PRKDC: variants seen among roughly 807,000 people sequenced by gnomAD.
The protein encoded by PRKDC is protein kinase, DNA-activated, catalytic subunit.
Under a neutral mutation model 486.9 loss-of-function variants are expected in PRKDC, and 82 were observed. The ratio of observed to expected loss-of-function variants is 0.17; its 90% CI spans 0.14 to 0.20. The LOEUF is 0.20. PRKDC is among the 10% of genes least tolerant of loss of function. The pLI is 1.00. For synonymous variants in PRKDC, 1,895 were observed against 1,837.0 expected, an observed-to-expected ratio of 1.03 and a Z score of -0.81; for missense variants, 4,504 against 5,038.2, an observed-to-expected ratio of 0.89 and a Z score of 3.21.
At chr8:47,927,656 G>A in intron 20 of PRKDC, 115 bp downstream of exon 20, 1 of 1,301,058 alleles carries the variant, frequency 7.7e-7, no homozygotes, top group Non-Finnish European at 1.0e-6. Context: ...CCTGACCCGG[G>A]CACGCCTGTG....
At chr8:47,910,970 T>G (rs1438258718) in intron 25 of PRKDC, among the ~76,000 whole-genome samples, 1 of 152,222 alleles carries the variant, frequency 6.6e-6, no homozygotes, top group Non-Finnish European at 1.5e-5. Context: ...TTCATCAGCT[T>G]TTTCCTTTAT....
At chr8:47,902,498 T>C in intron 27 of PRKDC, 71 bp downstream of exon 27, 4 of 1,077,406 alleles carry the variant, frequency 3.7e-6, no homozygotes, top group Non-Finnish European at 5.1e-6. Context: ...GACACACGGA[T>C]ACACAGAGTG....
intron 27 of PRKDC, among the ~76,000 whole-genome samples, chr8:47,901,581 A>C (rs1176922485): frequency 6.6e-6 from 1 of 152,204 alleles, no homozygotes; most frequent in African/African-American, 2.4e-5. Context: ...ACATGAGCCA[A>C]AGAGGCAGCA....
chr8:47,914,368 T>TA (rs199523187), intron 23 of PRKDC, among the ~76,000 whole-genome samples: 35 of 150,458 alleles, frequency 2.3e-4, no homozygotes, highest in Admixed American at 8.6e-4. Flanking sequence ...AATTTTTACT[T>TA]AAAAAAAAAA....
chr8:47,894,289 A>G (rs548394957), intron 30 of PRKDC, among the ~76,000 whole-genome samples: 30 of 152,276 alleles, frequency 2.0e-4, no homozygotes, highest in African/African-American at 7.2e-4. Context: ...AAAAAGAAAG[A>G]AAGAGAGAAC....
intron 68 of PRKDC, among the ~76,000 whole-genome samples, chr8:47,807,857 A>G (rs1245100499): frequency 1.3e-5 from 2 of 151,956 alleles, no homozygotes; most frequent in Admixed American, 6.6e-5. Context: ...CTGGGACTAC[A>G]GGCGTGCACT....
intron 40 of PRKDC, 85 bp downstream of exon 40, chr8:47,877,639 A>C: frequency 1.5e-6 from 2 of 1,305,840 alleles, no homozygotes; most frequent in South Asian, 2.3e-5. Context: ...ATTGCCACTC[A>C]GCTTTTTTTT....
chr8:47,900,571 G>C, intron 27 of PRKDC, 104 bp from the exon 28 acceptor site: 1 of 1,125,172 alleles, frequency 8.9e-7, no homozygotes, highest in South Asian at 1.5e-5. Flanking sequence ...AATTAAATTT[G>C]TTTTTTGTGG....
rs763446890 is a variant in PRKDC, at chr8:47,782,530, G to T, written c.11244C>A (p.His3748Gln). ...IIIRGHDERE[H>Q]PFLVKGGEDL... ...CCTCGCCACCCTTCACCAGGAAAGG[G>T]TGTTCCCTCTCGTCATGGCCACGGA... Residue 3748 changes from histidine to glutamine, a missense_variant, in exon 79 of 86, where the codon CAC (histidine) becomes CAA (glutamine). This residue lies in a region of PRKDC where 706 missense variants were observed against 945.0 expected (regional missense o/e 0.75). Transcript: ENST00000314191. The surrounding 1 kb of genome is among the most constrained non-coding windows in gnomAD (Gnocchi z 4.9). The T allele has an allele frequency of 6.3e-7, 1 of 1,576,650 alleles. No homozygotes were observed. The highest frequency in any genetic ancestry group is 8.6e-7 in the Non-Finnish European group (1 of 1,161,426).
rs367733116 is a variant in PRKDC, at chr8:47,784,918, T to C, written c.11107+195A>G. Among the ~76,000 whole-genome samples the C allele has an allele frequency of 1.4e-4, 22 of 152,320 alleles. No individual in the cohort carries two copies. In the East Asian group the frequency reaches 1.5e-3, roughly 11 times the overall value. ...CAGAAATATAAGAACTATAATCTCA[T>C]TAAACATTTAGTAATGTGTGCTCAT... On this transcript the variant is annotated intron_variant, in intron 77 of 85. Coordinates refer to ENST00000314191, the MANE Select transcript of PRKDC (RefSeq NM_006904.7).
intron 17 of PRKDC, among the ~76,000 whole-genome samples, 157 bp downstream of exon 17, chr8:47,930,515 A>G (rs1370470351): frequency 6.6e-6 from 1 of 152,098 alleles, no homozygotes; most frequent in Non-Finnish European, 1.5e-5. Context: ...CTCGTGATCC[A>G]CCTGCCTCGG....
intron 55 of PRKDC, 111 bp downstream of exon 55, chr8:47,839,905 A>C: frequency 1.3e-6 from 1 of 759,092 alleles, no homozygotes; most frequent in South Asian, 2.6e-5. Context: ...GCCCAGGAGG[A>C]GGTTGAGACT....
chr8:47,777,242 CTT>C (rs886838081), intron 84 of PRKDC, among the ~76,000 whole-genome samples: 10 of 151,620 alleles, frequency 6.6e-5, no homozygotes, highest in Non-Finnish European at 1.0e-4. Context: ...GAGTTTCACT[CTT>C]GTCACCCAGG....
intron 42 of PRKDC, 110 bp from the exon 43 acceptor site, chr8:47,862,651 C>A: frequency 9.2e-7 from 1 of 1,082,748 alleles, no homozygotes; most frequent in Non-Finnish European, 1.3e-6. Flanking sequence ...TCTCGAGGGT[C>A]AGGCTTGTGC....
intron 64 of PRKDC, among the ~76,000 whole-genome samples, chr8:47,822,114 C>T (rs549563440): frequency 1.3e-5 from 2 of 152,148 alleles, no homozygotes; most frequent in African/African-American, 4.8e-5. Flanking sequence ...CTACAAAAAA[C>T]GCAAAAACTC....
Position 47,837,202 on chromosome 8 carries a change from A to C in PRKDC, c.7761+10T>G, listed in dbSNP as rs1481895843. On this transcript the variant is annotated intron_variant, in intron 57 of 85. Transcript: ENST00000314191. ...AATATTCACTACTATGAGAGAGAAG[A>C]CCACATTACCTGAAATTCGCATTCT... The C allele has an allele frequency of 6.2e-7, 1 of 1,605,520 alleles. No homozygotes were observed. Among genetic ancestry groups the C allele is most frequent in the Non-Finnish European group, 8.5e-7 (1 of 1,173,010 alleles).
In PRKDC at chr8:47,893,133, A is replaced by T; in HGVS notation, c.3847+6T>A. 1 of 1,583,662 alleles carries T rather than the reference A, an allele frequency of 6.3e-7. No homozygotes were observed. The highest frequency in any genetic ancestry group is 8.6e-7 in the Non-Finnish European group (1 of 1,158,194). ...CACACACCAGAATAAGGCAAGGGTGACCTACCTAGGACCTGGAGCGCTCCT... is the reference window on the plus strand; with the variant it reads ...CACACACCAGAATAAGGCAAGGGTGTCCTACCTAGGACCTGGAGCGCTCCT... On this transcript the variant is annotated splice_donor_region_variant and intron_variant, in intron 31 of 85. Coordinates refer to ENST00000314191, the MANE Select transcript of PRKDC (RefSeq NM_006904.7).
intron 54 of PRKDC, among the ~76,000 whole-genome samples, chr8:47,840,598 T>C (rs1303503529): frequency 6.6e-6 from 1 of 152,234 alleles, no homozygotes; most frequent in Non-Finnish European, 1.5e-5. Context: ...ATTACTTCAA[T>C]ATAAAAAGTT....
intron 51 of PRKDC, among the ~76,000 whole-genome samples, chr8:47,853,483 G>T (rs1050805114): frequency 1.3e-5 from 2 of 152,152 alleles, no homozygotes; most frequent in Admixed American, 6.5e-5. Context: ...ACCCTCAGGA[G>T]CAGGACAAAG....
Sources: gnomAD v4.1 joint callset for allele counts (sites outside exome capture counted in the v4.1 genomes callset) on GRCh38, gnomAD v4.1.1 for gene constraint, gnomAD v4.1.1 regional missense constraint, Gnocchi (gnomAD v3.1) non-coding constraint, MANE v1.5 for transcripts, NCBI Gene and HGNC (gene_info 2026-07-23, HGNC 2026-07-21) for gene names.